The following EXOC6B variants were observed in gnomAD, a reference collection of about 807,000 sequenced individuals.
EXOC6B encodes exocyst complex component 6B, also known as SEC15 homolog B.
A neutral mutation model predicts 113.5 loss-of-function variants in EXOC6B; 54 were observed. The ratio of observed to expected loss-of-function variants is 0.48; its 90% CI spans 0.38 to 0.60. The LOEUF (loss-of-function observed/expected upper bound fraction) is 0.60. Among genes scored for constraint, EXOC6B ranks in the 20% least tolerant of loss-of-function variants. The probability of loss-of-function intolerance (pLI) is 0.00; values close to 1 mark genes in which losing one functional copy is unlikely to be tolerated. For missense variants in EXOC6B, 797 were observed against 977.5 expected, an observed-to-expected ratio of 0.82 and a Z score of 2.46; for synonymous variants, 357 against 339.0, an observed-to-expected ratio of 1.05 and a Z score of -0.58.
intron 8 of EXOC6B, among the ~76,000 whole-genome samples, chr2:72,527,275 AG>A (rs1322396578): frequency 6.6e-6 from 1 of 152,026 alleles, no homozygotes; most frequent in Non-Finnish European, 1.5e-5. Flanking sequence ...CATACAGTTA[AG>A]TTTTTAGGAG....
chr2:72,772,824 C>A (rs1573772816), intron 1 of EXOC6B, among the ~76,000 whole-genome samples: 1 of 151,988 alleles, frequency 6.6e-6, no homozygotes, highest in East Asian at 1.9e-4. Flanking sequence ...GGAAGAGGTA[C>A]CTACATCTTC....
chr2:72,273,114 A>G (rs1198722632), intron 20 of EXOC6B, among the ~76,000 whole-genome samples: 2 of 152,172 alleles, frequency 1.3e-5, no homozygotes, highest in Non-Finnish European at 2.9e-5. Context: ...TCTCAAATCA[A>G]GGTATCCATG....
intron 6 of EXOC6B, among the ~76,000 whole-genome samples, chr2:72,714,246 A>T (rs2104701986): frequency 6.6e-6 from 1 of 152,348 alleles, no homozygotes; most frequent in Non-Finnish European, 1.5e-5. Flanking sequence ...AAAAAAATCT[A>T]AAATAAAAGA....
Position 72,495,479 on chromosome 2 carries a change from T to C in EXOC6B, c.1504A>G (p.Lys502Glu). The change falls in exon 15 of 22, where the codon AAA (lysine) becomes GAA (glutamate). Residue 502 changes from lysine (K) to glutamate (E), a missense_variant. Coordinates refer to ENST00000272427, the MANE Select transcript of EXOC6B (RefSeq NM_015189.3). ...TTCAGACAAGCGTAGATAAATTCTT[T>C]AATTTGGTTGTAAACTTTTGGCACA... is the stretch of plus-strand genomic sequence containing the variant. Reference protein sequence around the residue: ...EFVPKVYNQIKEFIYACLKFS... With the variant: ...EFVPKVYNQIEEFIYACLKFS... The C allele has an allele frequency of 6.2e-7, 1 of 1,609,328 alleles. No homozygotes were observed. Among genetic ancestry groups the C allele is most frequent in the Non-Finnish European group, 8.5e-7 (1 of 1,177,604 alleles).
At chr2:72,676,703 C>T (rs1042608440) in intron 6 of EXOC6B, among the ~76,000 whole-genome samples, 1 of 152,076 alleles carries the variant, frequency 6.6e-6, no homozygotes, top group Non-Finnish European at 1.5e-5. Flanking sequence ...ATAAGATTAA[C>T]GAGTCTAGTG....
At chr2:72,361,980 G>A (rs1424374631) in intron 19 of EXOC6B, among the ~76,000 whole-genome samples, 2 of 152,168 alleles carry the variant, frequency 1.3e-5, no homozygotes, top group African/African-American at 4.8e-5. Flanking sequence ...GTGAGACCAA[G>A]AATTTACTCT....
At chr2:72,493,113 T>C (rs1170185719) in intron 15 of EXOC6B, among the ~76,000 whole-genome samples, 1 of 152,124 alleles carries the variant, frequency 6.6e-6, no homozygotes, top group Admixed American at 6.5e-5. Flanking sequence ...CACAGTACAC[T>C]GTTAACAATA....
At chr2:72,194,644 C>G (rs529454133) in intron 20 of EXOC6B, among the ~76,000 whole-genome samples, 1 of 151,790 alleles carries the variant, frequency 6.6e-6, no homozygotes, top group South Asian at 2.1e-4. Context: ...AGAGCAGAAG[C>G]TGTTTCACAC....
At chr2:72,659,427 ATT>A (rs766896683) in intron 6 of EXOC6B, among the ~76,000 whole-genome samples, 2 of 152,070 alleles carry the variant, frequency 1.3e-5, no homozygotes, top group Non-Finnish European at 2.9e-5. Context: ...AACTCCTACA[ATT>A]TTTTATTCCA....
At chr2:72,723,665 G>A (rs1422383550) in intron 5 of EXOC6B, among the ~76,000 whole-genome samples, 3 of 151,098 alleles carry the variant, frequency 2.0e-5, no homozygotes, top group Non-Finnish European at 4.4e-5. Context: ...TCTTCTGTGC[G>A]CTAGAGATAG....
intron 19 of EXOC6B, among the ~76,000 whole-genome samples, chr2:72,357,701 A>G (rs78826472): frequency 9.9e-5 from 15 of 151,622 alleles, no homozygotes; most frequent in African/African-American, 3.6e-4. Flanking sequence ...AAAAAAAAAA[A>G]GATGATAATG....
chr2:72,631,743 A>T (rs983286190), intron 6 of EXOC6B, among the ~76,000 whole-genome samples: 1 of 151,956 alleles, frequency 6.6e-6, no homozygotes, highest in Non-Finnish European at 1.5e-5. Flanking sequence ...AGCTCAAGCA[A>T]TCCACCCGCC....
chr2:72,815,362 G>A (rs996217274), intron 1 of EXOC6B, among the ~76,000 whole-genome samples: 3 of 151,794 alleles, frequency 2.0e-5, no homozygotes, highest in African/African-American at 4.8e-5. Flanking sequence ...GTGGTGTCGC[G>A]CACCTGTAGT....
At chr2:72,232,274 C>T (rs552619429) in intron 20 of EXOC6B, among the ~76,000 whole-genome samples, 1 of 152,282 alleles carries the variant, frequency 6.6e-6, no homozygotes, top group South Asian at 2.1e-4. Context: ...TGTGCCCAGC[C>T]TCTGCCTATT....
chr2:72,322,453 A>G (rs1687889813), intron 20 of EXOC6B, among the ~76,000 whole-genome samples: 1 of 152,194 alleles, frequency 6.6e-6, no homozygotes, highest in Admixed American at 6.5e-5. Flanking sequence ...AAGACACACA[A>G]GAAGCCTTTT....
rs545220871 is a variant in EXOC6B, at chr2:72,269,806, C to T, written c.2196+65141G>A. Among the ~76,000 whole-genome samples the T allele has an allele frequency of 2.6e-5, 4 of 152,164 alleles. No individual in the cohort carries two copies. In the East Asian group the frequency reaches 7.7e-4, roughly 29 times the overall value. ...TATCACATGGTCTTTGGAGAATTAC[C>T]TGAGATAACACTACATAGATTTGTC... On this transcript the variant is annotated intron_variant, in intron 20 of 21. Coordinates refer to ENST00000272427, the MANE Select transcript of EXOC6B (RefSeq NM_015189.3).
chr2:72,739,910 T>A (rs1681196291), intron 2 of EXOC6B, among the ~76,000 whole-genome samples: 1 of 152,288 alleles, frequency 6.6e-6, no homozygotes, highest in African/African-American at 2.4e-5. Flanking sequence ...TAGGACCTAA[T>A]GTGTTTAAAC....
intron 6 of EXOC6B, among the ~76,000 whole-genome samples, chr2:72,625,649 A>G (rs1258503118): frequency 2.6e-5 from 4 of 152,260 alleles, no homozygotes; most frequent in Admixed American, 2.0e-4. Context: ...GCTCCAGGCC[A>G]TACCAATTAC....
chr2:72,519,749 C>T (rs1320601282), intron 8 of EXOC6B, among the ~76,000 whole-genome samples: 1 of 152,122 alleles, frequency 6.6e-6, no homozygotes, highest in Non-Finnish European at 1.5e-5. Context: ...GACTTCTGTA[C>T]TGGGCATATT....
Sources: allele counts gnomAD v4.1 joint callset (sites outside exome capture counted in the v4.1 genomes callset), GRCh38; gene constraint gnomAD v4.1.1; transcripts MANE v1.5; gene names NCBI Gene and HGNC (gene_info 2026-07-23, HGNC 2026-07-21).